Variants in RELN observed in about 807,000 individuals in gnomAD.
RELN encodes reelin.
Under a neutral mutation model 427.6 loss-of-function variants are expected in RELN, and 108 were observed. That is an observed-to-expected ratio of 0.25 (90% confidence interval 0.22 to 0.30). RELN has a LOEUF of 0.30. Among genes scored for constraint, RELN ranks in the 10% least tolerant of loss-of-function variants. The pLI is 1.00. For missense variants in RELN, 3,715 were observed against 4,302.8 expected (o/e 0.86, Z 3.82); for synonymous variants, 1,524 against 1,513.4 (o/e 1.01, Z -0.16).
At chr7:103,510,236 A>AC (rs1389901893) in intron 51 of RELN, among the ~76,000 whole-genome samples, 4 of 152,204 alleles carry the variant, frequency 2.6e-5, no homozygotes, top group African/African-American at 9.7e-5. Flanking sequence ...CTTGGAACCA[A>AC]CCAAATGCCC....
chr7:103,952,228 G>T (rs372608777), intron 1 of RELN, among the ~76,000 whole-genome samples: 5 of 152,174 alleles, frequency 3.3e-5, no homozygotes, highest in Admixed American at 2.6e-4. Flanking sequence ...CAGGAAATGG[G>T]TGAGTCCAAG....
intron 43 of RELN, 31 bp downstream of exon 43, chr7:103,542,700 G>A (rs768311014): frequency 6.2e-7 from 1 of 1,611,754 alleles, no homozygotes; most frequent in South Asian, 1.1e-5. Context: ...TTACGATGTG[G>A]TTTTTTTCAA....
At position 103,611,616 on chromosome 7, in the gene RELN, G is replaced by C; in HGVS notation, c.2890C>G (p.Gln964Glu). ...TNHGLTWHLVQEECLPSMPSC... is the reference protein window; with the variant it reads ...TNHGLTWHLVEEECLPSMPSC... The stretch of plus-strand genomic sequence containing the variant: ...TTTAAGGAAACTAGACTTACTTCTT[G>C]GACGAGGTGCCAGGTAAGGCCGTGG... Residue 964 changes from glutamine (Q) to glutamate (E), a missense_variant, in exon 21 of 65, where the codon CAA becomes GAA. This residue lies in a region of RELN where 2,208 missense variants were observed against 2,361.7 expected (regional missense o/e 0.93). Coordinates refer to ENST00000428762, the MANE Select transcript of RELN (RefSeq NM_005045.4). The C allele has an allele frequency of 6.2e-7, 1 of 1,611,716 alleles. No individual in the cohort carries two copies. Among genetic ancestry groups the C allele is most frequent in the African/African-American group, 1.3e-5 (1 of 74,384 alleles).
At chr7:103,987,446 TAA>T (rs1205778731) in intron 1 of RELN, among the ~76,000 whole-genome samples, 1 of 152,200 alleles carries the variant, frequency 6.6e-6, no homozygotes, top group Non-Finnish European at 1.5e-5. Flanking sequence ...TGTTTTTAGT[TAA>T]GTTTTCAATA....
At chr7:103,792,717 A>T (rs1792198628) in intron 3 of RELN, among the ~76,000 whole-genome samples, 1 of 152,116 alleles carries the variant, frequency 6.6e-6, no homozygotes, top group Admixed American at 6.6e-5. Flanking sequence ...GAAACTTTTT[A>T]GTATATCTGT....
intron 2 of RELN, among the ~76,000 whole-genome samples, chr7:103,858,700 C>A (rs1194010544): frequency 1.3e-5 from 2 of 152,192 alleles, no homozygotes; most frequent in African/African-American, 4.8e-5. Flanking sequence ...ATCCCTATTT[C>A]ATCACCTTGA....
intron 48 of RELN, among the ~76,000 whole-genome samples, chr7:103,521,200 C>T (rs1829701231): frequency 6.7e-6 from 1 of 150,244 alleles, no homozygotes; most frequent in Non-Finnish European, 1.5e-5. Context: ...AGGATGGTCT[C>T]GATCTCCTGA....
At chr7:103,577,300 C>CT (rs975265877) in intron 28 of RELN, among the ~76,000 whole-genome samples, 10 of 152,088 alleles carry the variant, frequency 6.6e-5, no homozygotes, top group African/African-American at 2.4e-4. Flanking sequence ...ATAACCTTGG[C>CT]TTTTTTCCCC....
At chr7:103,524,094 A>G (rs939947022) in intron 46 of RELN, among the ~76,000 whole-genome samples, 2 of 152,236 alleles carry the variant, frequency 1.3e-5, no homozygotes, top group African/African-American at 4.8e-5. Context: ...TGTAAAAAAC[A>G]GACAGTCAGA....
At chr7:103,933,314 G>A (rs1307202863) in intron 1 of RELN, among the ~76,000 whole-genome samples, 4 of 152,028 alleles carry the variant, frequency 2.6e-5, no homozygotes, top group Admixed American at 6.6e-5. Context: ...TTAACAACTG[G>A]CTTGCAAAAT....
chr7:103,697,302 C>T (rs1456811475), intron 10 of RELN, among the ~76,000 whole-genome samples: 5 of 152,112 alleles, frequency 3.3e-5, no homozygotes, highest in Non-Finnish European at 1.5e-5. Flanking sequence ...ACATTCAGCC[C>T]ACAACACAGC....
rs906987032 is a variant in RELN, at chr7:103,471,967, G to A, written c.*845C>T. On this transcript the variant is annotated 3_prime_UTR_variant, in exon 65 of 65. Transcript: ENST00000428762. ...ACCCGCAGAAAAAACAATCCACGAA[G>A]AAAACACAATGAAAAAACAACCACT... is the stretch of plus-strand genomic sequence containing the variant. 3 of 152,334 alleles carry A rather than the reference G, an allele frequency of 2.0e-5. No individual in the cohort carries two copies. The highest frequency in any genetic ancestry group is 7.3e-5 in the African/African-American group (3 of 41,356). 9.4% of individuals were successfully genotyped at this position (152,334 alleles called of 1,614,324 possible).
At chr7:103,898,021 G>A (rs911542847) in intron 2 of RELN, among the ~76,000 whole-genome samples, 2 of 152,084 alleles carry the variant, frequency 1.3e-5, no homozygotes, top group South Asian at 2.1e-4. Context: ...CAATGAGCAT[G>A]TCTAACCAAT....
intron 1 of RELN, among the ~76,000 whole-genome samples, chr7:103,954,120 C>G (rs755499515): frequency 9.2e-5 from 14 of 151,756 alleles, no homozygotes; most frequent in Non-Finnish European, 2.9e-5. Flanking sequence ...ATTGGCCAGC[C>G]ATGGTGGCAG....
intron 64 of RELN, among the ~76,000 whole-genome samples, chr7:103,476,995 A>T (rs1828059179): frequency 1.3e-5 from 2 of 152,216 alleles, no homozygotes; most frequent in Non-Finnish European, 2.9e-5. Context: ...ATGCCACTTG[A>T]CATATCAATT....
chr7:103,877,731 T>C (rs1280866159), intron 2 of RELN, among the ~76,000 whole-genome samples: 1 of 152,104 alleles, frequency 6.6e-6, no homozygotes, highest in Non-Finnish European at 1.5e-5. Flanking sequence ...CCATCTCTTC[T>C]CCAGCCATCC....
At chr7:103,604,807 A>G (rs1414769834) in intron 22 of RELN, among the ~76,000 whole-genome samples, 1 of 150,670 alleles carries the variant, frequency 6.6e-6, no homozygotes, top group East Asian at 1.9e-4. Context: ...AAATAAAGAC[A>G]TCTACTAAAC....
At chr7:103,704,431 CA>C (rs1834157382) in intron 8 of RELN, among the ~76,000 whole-genome samples, 1 of 152,118 alleles carries the variant, frequency 6.6e-6, no homozygotes. Flanking sequence ...ATAATGCCCT[CA>C]TCTTTCACCA....
intron 2 of RELN, among the ~76,000 whole-genome samples, chr7:103,889,430 A>T (rs574695803): frequency 6.6e-6 from 1 of 152,344 alleles, no homozygotes; most frequent in East Asian, 1.9e-4. Flanking sequence ...CTTACGAGTT[A>T]AAGTGCATAA....
Sources: allele counts gnomAD v4.1 joint callset (sites outside exome capture counted in the v4.1 genomes callset), GRCh38; gene constraint gnomAD v4.1.1; regional missense constraint gnomAD v4.1.1; transcripts MANE v1.5; gene names NCBI Gene and HGNC (gene_info 2026-07-23, HGNC 2026-07-21).